METTL25: variants seen among roughly 807,000 people sequenced by gnomAD.
METTL25 encodes the protein probable methyltransferase-like protein 25.
In METTL25, 64 loss-of-function variants were observed where a neutral mutation model predicts 71.6. The observed-to-expected ratio is 0.89, with a 90% CI of 0.73 to 1.10. The LOEUF is 1.10. Ranked by LOEUF, METTL25 falls within the 50% of genes least tolerant of loss-of-function variation. The pLI, the probability that METTL25 is intolerant of heterozygous loss-of-function variation, is 0.00. For missense variants in METTL25, 807 were observed against 707.0 expected (o/e 1.14, Z -1.60); for synonymous variants, 287 against 250.3 (o/e 1.15, Z -1.38).
At chr12:82,437,033 A>G (rs1889972205) in intron 7 of METTL25, among the ~76,000 whole-genome samples, 1 of 151,668 alleles carries the variant, frequency 6.6e-6, no homozygotes, top group Admixed American at 6.6e-5. Context: ...AGTGGGGGAC[A>G]GATGATAAAG....
chr12:82,418,896 C>G (rs1888217570), intron 5 of METTL25, among the ~76,000 whole-genome samples: 1 of 152,062 alleles, frequency 6.6e-6, no homozygotes, highest in African/African-American at 2.4e-5. Context: ...AAAGAAAAGC[C>G]TGTCTATAAA....
intron 6 of METTL25, among the ~76,000 whole-genome samples, chr12:82,432,257 T>C: frequency 6.6e-6 from 1 of 151,826 alleles, no homozygotes; most frequent in South Asian, 2.1e-4. Context: ...CTTAGAAATG[T>C]ATTTATGCTA....
intron 5 of METTL25, among the ~76,000 whole-genome samples, chr12:82,421,519 T>C (rs888098061): frequency 1.3e-5 from 2 of 152,076 alleles, no homozygotes; most frequent in African/African-American, 4.8e-5. Context: ...CAATGAAATA[T>C]CCATTTGGAA....
At chr12:82,376,851 C>T (rs1883920680) in intron 1 of METTL25, among the ~76,000 whole-genome samples, 1 of 152,102 alleles carries the variant, frequency 6.6e-6, no homozygotes. Context: ...CGCTGTGGCT[C>T]ACACCTGTAA....
At chr12:82,361,194 C>T (rs1429429375) in intron 1 of METTL25, among the ~76,000 whole-genome samples, 1 of 152,126 alleles carries the variant, frequency 6.6e-6, no homozygotes, top group Non-Finnish European at 1.5e-5. Context: ...CATGAAAGTT[C>T]TCCTAGTCCC....
At chr12:82,461,933 C>CTGAG (rs1482925950) in intron 9 of METTL25, among the ~76,000 whole-genome samples, 1 of 152,162 alleles carries the variant, frequency 6.6e-6, no homozygotes, top group Non-Finnish European at 1.5e-5. Context: ...ATATTGTCTC[C>CTGAG]CACTCTAGTT....
chr12:82,461,531 A>G (rs557888363), intron 9 of METTL25, among the ~76,000 whole-genome samples: 2 of 149,392 alleles, frequency 1.3e-5, no homozygotes, highest in East Asian at 1.9e-4. Flanking sequence ...TCATACTTAT[A>G]TAACTTATTA....
chr12:82,419,910 C>A (rs1168264018), intron 5 of METTL25, among the ~76,000 whole-genome samples: 2 of 152,044 alleles, frequency 1.3e-5, no homozygotes, highest in African/African-American at 4.8e-5. Flanking sequence ...TATCTGTGCT[C>A]CTGTATTTAT....
rs540785686 is a variant in METTL25 at position 82,396,441 on chromosome 12, G to C, written c.532-2354G>C. Reference sequence around the variant, plus strand: ...GATTTAATTACGGTTATGCATTACTGTAAGTATAGGAATGTTTCCTTGAGT... The same window carrying C: ...GATTTAATTACGGTTATGCATTACTCTAAGTATAGGAATGTTTCCTTGAGT... On this transcript the variant is annotated intron_variant, in intron 3 of 11. Coordinates refer to ENST00000248306, the MANE Select transcript of METTL25 (RefSeq NM_032230.3). Among the ~76,000 whole-genome samples, 3 of 152,144 alleles carry C rather than the reference G, an allele frequency of 2.0e-5. No homozygotes were observed. The South Asian group carries it at 6.2e-4, about 32-fold the overall frequency.
chr12:82,402,933 C>T (rs777550625), intron 4 of METTL25, 50 bp from the exon 5 acceptor site: 1 of 1,391,866 alleles, frequency 7.2e-7, no homozygotes, highest in South Asian at 1.3e-5. Flanking sequence ...AAATTTTAAA[C>T]AACCCTCTTT....
chr12:82,416,467 A>T (rs2895913), intron 5 of METTL25, among the ~76,000 whole-genome samples: 3 of 144,958 alleles, frequency 2.1e-5, no homozygotes, highest in South Asian at 2.2e-4. Flanking sequence ...TTTTTGAGAC[A>T]GGGTCTCACT....
Position 82,479,022 on chromosome 12 carries a change from T to C in METTL25, c.1810T>C (p.Ter604ArgextTer13). The C allele has an allele frequency of 1.2e-6, 2 of 1,611,326 alleles. No individual in the cohort carries two copies. Among genetic ancestry groups the C allele is most frequent in the Non-Finnish European group, 1.7e-6 (2 of 1,177,964 alleles). Residue 604 changes from the stop codon to arginine (R), a stop_lost, in exon 12 of 12, where the codon TGA becomes CGA. Transcript: ENST00000248306. ...TGTTATTGCCCTGAAGAAGCAGCAG[T>C]GATTTCCATTGAAGCAAATTATTAG... ...YAVIALKKQQ[*>R]
At chr12:82,403,352 T>A (rs1396234641) in intron 5 of METTL25, among the ~76,000 whole-genome samples, 1 of 152,216 alleles carries the variant, frequency 6.6e-6, no homozygotes, top group Non-Finnish European at 1.5e-5. Context: ...AAAATGGGCT[T>A]AATGAGTGCT....
intron 5 of METTL25, chr12:82,407,789 AT>A: frequency 1.0e-6 from 1 of 983,678 alleles, no homozygotes; most frequent in East Asian, 1.1e-4. Flanking sequence ...GATAGGAATA[AT>A]GAAAGTAAAC....
In METTL25 at chr12:82,456,996, G is replaced by A. The variant is rs191382040; in HGVS notation, c.1572+176G>A. The stretch of plus-strand genomic sequence containing the variant: ...TTTCCAGTTTATCCTTCTTGTCATT[G>A]TAGAAAGTTTACTGTCATGTATCTC... On this transcript the variant is annotated intron_variant, in intron 9 of 11. Coordinates refer to ENST00000248306, the MANE Select transcript of METTL25 (RefSeq NM_032230.3). Among the ~76,000 whole-genome samples, 70 of 151,986 alleles carry A rather than the reference G, an allele frequency of 4.6e-4. No individual in the cohort carries two copies. In the East Asian group the frequency reaches 4.8e-3, roughly 10 times the overall value.
Position 82,358,563 on chromosome 12 carries a change from G to C in METTL25, c.-3G>C. On this transcript the variant is annotated 5_prime_UTR_variant, in exon 1 of 12. Coordinates refer to ENST00000248306, the MANE Select transcript of METTL25 (RefSeq NM_032230.3). The stretch of plus-strand genomic sequence containing the variant: ...CCACCTACAGCCTCGGAGGGTGAGC[G>C]TCATGGCGGCTTCTTGCCCTCTCCC... 8 of 1,609,460 alleles carry C rather than the reference G, an allele frequency of 5.0e-6. No homozygotes were observed. Among genetic ancestry groups the C allele is most frequent in the Non-Finnish European group, 6.8e-6 (8 of 1,179,312 alleles).
chr12:82,382,199 T>A (rs1414354559), intron 1 of METTL25, among the ~76,000 whole-genome samples: 3 of 152,194 alleles, frequency 2.0e-5, no homozygotes, highest in Non-Finnish European at 2.9e-5. Flanking sequence ...CAGGAATGAA[T>A]ACAAAATACT....
At chr12:82,404,556 TTTTGGGGTTTACTA>T (rs1886918203) in intron 5 of METTL25, among the ~76,000 whole-genome samples, 1 of 152,272 alleles carries the variant, frequency 6.6e-6, no homozygotes, top group South Asian at 2.1e-4. Flanking sequence ...AAGTGCTTCC[TTTTGGGGTTTACTA>T]TTTGGTTGTT....
chr12:82,470,220 T>C (rs1892490969), intron 9 of METTL25, among the ~76,000 whole-genome samples: 1 of 152,212 alleles, frequency 6.6e-6, no homozygotes, highest in Non-Finnish European at 1.5e-5. Flanking sequence ...ACTCCAAATG[T>C]TACATTTCTT....
Sources: allele counts gnomAD v4.1 joint callset (sites outside exome capture counted in the v4.1 genomes callset), GRCh38; gene constraint gnomAD v4.1.1; transcripts MANE v1.5; gene names NCBI Gene and HGNC (gene_info 2026-07-23, HGNC 2026-07-21).